The following KAT6B variants were observed in gnomAD, a reference collection of about 807,000 sequenced individuals.
KAT6B encodes histone acetyltransferase KAT6B.
KAT6B carries 10 observed loss-of-function variants against 187.5 expected under a neutral mutation model. The observed-to-expected ratio is 0.05, with a 90% CI of 0.03 to 0.09. The LOEUF is 0.09. Among genes scored for constraint, KAT6B ranks in the 10% least tolerant of loss-of-function variants. The probability of loss-of-function intolerance (pLI) is 1.00; values close to 1 mark genes in which losing one functional copy is unlikely to be tolerated. For missense variants in KAT6B, 1,952 were observed against 2,558.9 expected (o/e 0.76, Z 5.12); for synonymous variants, 861 against 926.8 (o/e 0.93, Z 1.29).
chr10:74,859,757 TC>T, intron 3 of KAT6B, among the ~76,000 whole-genome samples: 1 of 152,360 alleles, frequency 6.6e-6, no homozygotes, highest in South Asian at 2.1e-4. Context: ...TAACTCATTT[TC>T]CACCAGCTAC....
At chr10:74,888,055 C>T (rs1004546312) in intron 3 of KAT6B, among the ~76,000 whole-genome samples, 4 of 152,160 alleles carry the variant, frequency 2.6e-5, no homozygotes, top group African/African-American at 9.7e-5. Flanking sequence ...CTGACTGACA[C>T]CTGCCTCTTT....
chr10:75,028,518 AAAG>A lies in KAT6B; in HGVS notation c.3698_3700del (p.Glu1233del). 3.7e-6 allele frequency: 6 copies of A among 1,614,196 alleles called. No individual in the cohort carries two copies. The highest frequency in any genetic ancestry group is 5.1e-6 in the Non-Finnish European group (6 of 1,180,038). ...TATGAATGATGATTCAAGTAACTTG[AAAG>A]AAGGCAGTAAAGACAATCCCGAACC... On this transcript the variant is annotated inframe_deletion, in exon 18 of 18. Coordinates refer to ENST00000287239, the MANE Select transcript of KAT6B (RefSeq NM_012330.4).
At chr10:74,949,381 G>A (rs754077034) in intron 3 of KAT6B, among the ~76,000 whole-genome samples, 9 of 151,918 alleles carry the variant, frequency 5.9e-5, no homozygotes, top group Admixed American at 2.6e-4. Flanking sequence ...CCAGCCCCGC[G>A]CCCCACCCCT....
At chr10:74,962,378 T>C (rs1841161706) in intron 4 of KAT6B, among the ~76,000 whole-genome samples, 1 of 152,162 alleles carries the variant, frequency 6.6e-6, no homozygotes, top group Non-Finnish European at 1.5e-5. Context: ...CCTCAAATAA[T>C]GGCGGGAGCC....
At chr10:74,994,263 T>C (rs1348973559) in intron 13 of KAT6B, among the ~76,000 whole-genome samples, 1 of 152,206 alleles carries the variant, frequency 6.6e-6, no homozygotes, top group Admixed American at 6.5e-5. Flanking sequence ...ATTACCATGA[T>C]TGATTTTGAT....
chr10:74,903,874 G>A (rs1390366498), intron 3 of KAT6B, among the ~76,000 whole-genome samples: 2 of 152,202 alleles, frequency 1.3e-5, no homozygotes, highest in African/African-American at 4.8e-5. Flanking sequence ...ACTTACAGGA[G>A]CCTAGCTGAA....
At chr10:74,926,763 A>G (rs1001563405) in intron 3 of KAT6B, among the ~76,000 whole-genome samples, 1 of 152,218 alleles carries the variant, frequency 6.6e-6, no homozygotes, top group Admixed American at 6.5e-5. Context: ...ACGTGGAGGC[A>G]TGGGACAGAG....
chr10:74,996,768 CAAAAAA>C (rs56042160), intron 13 of KAT6B, among the ~76,000 whole-genome samples: 2 of 77,082 alleles, frequency 2.6e-5, no homozygotes, highest in African/African-American at 4.9e-5. Context: ...GACTCGGTCT[CAAAAAA>C]AAAAAAAAAA....
intron 13 of KAT6B, among the ~76,000 whole-genome samples, chr10:74,992,313 T>C (rs1843168272): frequency 6.6e-6 from 1 of 152,200 alleles, no homozygotes; most frequent in Non-Finnish European, 1.5e-5. Flanking sequence ...TACATGCTCC[T>C]AGACTTACAG....
chr10:74,952,885 A>T (rs1840420628), intron 3 of KAT6B, among the ~76,000 whole-genome samples: 1 of 121,376 alleles, frequency 8.2e-6, no homozygotes, highest in African/African-American at 3.2e-5. Flanking sequence ...TTTTTAGTAG[A>T]GCCGAGGTTT....
Position 74,848,483 on chromosome 10 carries a change from C to T in KAT6B, c.621+5005C>T, listed in dbSNP as rs560823728. Among the ~76,000 whole-genome samples the T allele has an allele frequency of 1.5e-4, 23 of 151,776 alleles. No homozygotes were observed. In the East Asian group the frequency reaches 1.6e-3, roughly 10 times the overall value. On this transcript the variant is annotated intron_variant, in intron 3 of 17. Transcript: ENST00000287239. ...TTGAGGCACTGCACTCCAGCCTGGGCGACAGAGCAACACTTCGTTTCAACA... is the reference window on the plus strand; with the variant it reads ...TTGAGGCACTGCACTCCAGCCTGGGTGACAGAGCAACACTTCGTTTCAACA...
chr10:74,893,530 C>T (rs545147179), intron 3 of KAT6B, among the ~76,000 whole-genome samples: 4 of 150,732 alleles, frequency 2.7e-5, no homozygotes, highest in East Asian at 2.0e-4. Context: ...AGTGTGATGA[C>T]GCAATCTCAG....
intron 1 of KAT6B, among the ~76,000 whole-genome samples, chr10:74,834,348 C>A (rs1841110851): frequency 6.6e-6 from 1 of 152,112 alleles, no homozygotes; most frequent in Non-Finnish European, 1.5e-5. Context: ...CAGGCATGCA[C>A]CACCACGCCT....
In KAT6B at chr10:74,917,240, A is replaced by G. The variant is rs533098802; in HGVS notation, c.622-42730A>G. Among the ~76,000 whole-genome samples, 9 of 152,348 alleles carry G rather than the reference A, an allele frequency of 5.9e-5. No homozygotes were observed. In the South Asian group the frequency reaches 1.4e-3, roughly 25 times the overall value. On this transcript the variant is annotated intron_variant, in intron 3 of 17. Coordinates refer to ENST00000287239, the MANE Select transcript of KAT6B (RefSeq NM_012330.4). The stretch of plus-strand genomic sequence containing the variant: ...GTCAAAATAGGGTAGAGTTAATTAT[A>G]TATAACCTTATGCAGTTTCCCTGAT...
intron 3 of KAT6B, among the ~76,000 whole-genome samples, chr10:74,867,470 A>G (rs184425159): frequency 1.3e-5 from 2 of 152,292 alleles, no homozygotes; most frequent in Non-Finnish European, 2.9e-5. Flanking sequence ...CATATTACCC[A>G]TCTGGCCTGG....
At position 74,939,550 on chromosome 10, in the gene KAT6B, G is replaced by A. The variant is rs1157105192; in HGVS notation, c.622-20420G>A. Among the ~76,000 whole-genome samples the A allele has an allele frequency of 2.0e-5, 3 of 152,114 alleles. No individual in the cohort carries two copies. In the East Asian group the frequency reaches 5.8e-4, roughly 29 times the overall value. ...CAAGTAGCTGGGACTATAGGTGTGCGCCACCACGACCGGCTAATTTTTGTA... is the reference window on the plus strand; with the variant it reads ...CAAGTAGCTGGGACTATAGGTGTGCACCACCACGACCGGCTAATTTTTGTA... On this transcript the variant is annotated intron_variant, in intron 3 of 17. Transcript: ENST00000287239.
chr10:75,021,854 G>T, intron 15 of KAT6B, 27 bp from the exon 16 acceptor site: 1 of 1,613,786 alleles, frequency 6.2e-7, no homozygotes. Context: ...CCTCTCACTG[G>T]CCACCATTTT....
chr10:74,853,179 A>G (rs1842592341), intron 3 of KAT6B, among the ~76,000 whole-genome samples: 1 of 134,040 alleles, frequency 7.5e-6, no homozygotes, highest in South Asian at 2.3e-4. Flanking sequence ...CAGTGGTTTG[A>G]TCATGGCTCA....
intron 3 of KAT6B, among the ~76,000 whole-genome samples, chr10:74,872,057 C>T (rs2132416637): frequency 6.6e-6 from 1 of 152,276 alleles, no homozygotes; most frequent in Non-Finnish European, 1.5e-5. Context: ...ATGGCACATA[C>T]GAGAGCAACA....
Sources: allele counts gnomAD v4.1 joint callset (sites outside exome capture counted in the v4.1 genomes callset), GRCh38; gene constraint gnomAD v4.1.1; transcripts MANE v1.5; gene names NCBI Gene and HGNC (gene_info 2026-07-23, HGNC 2026-07-21).